The following NUFIP1 variants were observed in gnomAD, a reference collection of about 807,000 sequenced individuals.
The protein encoded by NUFIP1 is nuclear FMR1 interacting protein 1, also known as FMR1-interacting protein NUFIP1.
A neutral mutation model predicts 56.2 loss-of-function variants in NUFIP1; 38 were observed. The observed-to-expected ratio is 0.68, with a 90% CI of 0.52 to 0.89. NUFIP1 has a LOEUF of 0.89. Ranked by LOEUF, NUFIP1 falls within the 40% of genes least tolerant of loss-of-function variation. NUFIP1 has a pLI of 0.00. For missense variants in NUFIP1, 567 were observed against 605.8 expected (o/e 0.94, Z 0.67); for synonymous variants, 215 against 212.4 (o/e 1.01, Z -0.10).
intron 8 of NUFIP1, among the ~76,000 whole-genome samples, chr13:44,944,798 TAA>T (rs1389615561): frequency 6.6e-6 from 1 of 152,056 alleles, no homozygotes; most frequent in African/African-American, 2.4e-5. Flanking sequence ...AACACACTTC[TAA>T]ATAATCCAAG....
At chr13:44,956,956 A>C (rs774002735) in intron 7 of NUFIP1, among the ~76,000 whole-genome samples, 1 of 152,160 alleles carries the variant, frequency 6.6e-6, no homozygotes, top group Non-Finnish European at 1.5e-5. Flanking sequence ...TTTAAATGAC[A>C]GCTTTCCTAC....
intron 5 of NUFIP1, among the ~76,000 whole-genome samples, chr13:44,976,127 G>A (rs1871966430): frequency 6.6e-6 from 1 of 152,056 alleles, no homozygotes; most frequent in African/African-American, 2.4e-5. Flanking sequence ...AAGTAGTAGG[G>A]GGAAAAAACC....
intron 1 of NUFIP1, among the ~76,000 whole-genome samples, chr13:44,987,777 C>G (rs1812595382): frequency 6.6e-6 from 1 of 152,186 alleles, no homozygotes; most frequent in African/African-American, 2.4e-5. Flanking sequence ...CCCTTTCAGT[C>G]AGTTCTCACC....
At chr13:44,959,744 G>A (rs1871359010) in intron 6 of NUFIP1, among the ~76,000 whole-genome samples, 170 bp from the exon 7 acceptor site, 1 of 151,908 alleles carries the variant, frequency 6.6e-6, no homozygotes, top group African/African-American at 2.4e-5. Flanking sequence ...CAAAGACAGG[G>A]AAGCCTATGA....
chr13:44,981,101 T>C (rs1215661064), intron 2 of NUFIP1, among the ~76,000 whole-genome samples: 1 of 152,206 alleles, frequency 6.6e-6, no homozygotes, highest in East Asian at 1.9e-4. Context: ...GGTTATCTAA[T>C]TAAGACTCAG....
At chr13:44,952,744 T>C (rs1056780927) in intron 7 of NUFIP1, among the ~76,000 whole-genome samples, 18 of 152,242 alleles carry the variant, frequency 1.2e-4, no homozygotes, top group African/African-American at 2.9e-4. Flanking sequence ...ATTTAAACTA[T>C]AGACTGTAAT....
At chr13:44,966,165 A>G (rs1871593766) in intron 5 of NUFIP1, among the ~76,000 whole-genome samples, 1 of 152,208 alleles carries the variant, frequency 6.6e-6, no homozygotes, top group Non-Finnish European at 1.5e-5. Flanking sequence ...CTGCAACTAG[A>G]CAAGTGTACA....
At chr13:44,973,215 T>A (rs1469170826) in intron 5 of NUFIP1, among the ~76,000 whole-genome samples, 1 of 150,918 alleles carries the variant, frequency 6.6e-6, no homozygotes, top group African/African-American at 2.4e-5. Context: ...ATTAATACTT[T>A]AAAATACGGA....
intron 8 of NUFIP1, among the ~76,000 whole-genome samples, chr13:44,947,234 C>CTTTTTTT (rs899115570): frequency 2.4e-5 from 3 of 124,298 alleles, no homozygotes; most frequent in East Asian, 2.4e-4. Context: ...AAGCTTATTC[C>CTTTTTTT]TTTTTTTTTT....
At chr13:44,965,760 C>T in intron 6 of NUFIP1, 84 bp downstream of exon 6, 1 of 552,892 alleles carries the variant, frequency 1.8e-6, no homozygotes, top group South Asian at 4.1e-5. Context: ...GTTACAAAAG[C>T]AAAGATTTCA....
rs1443905387 is a variant in NUFIP1, at chr13:44,979,828, G to A, written c.657+62C>T. ...ATTAGGTATATAAATAAACAGTTGT[G>A]AAGATAACAGATCAATAAAAAGAGC... On this transcript the variant is annotated intron_variant, in intron 4 of 9. Coordinates refer to ENST00000379161, the MANE Select transcript of NUFIP1 (RefSeq NM_012345.3). The A allele has an allele frequency of 9.2e-6, 11 of 1,193,820 alleles. No homozygotes were observed. The East Asian group carries it at 2.1e-4, about 23-fold the overall frequency. The allele number at this position is 1,193,820 out of a possible 1,614,324, so 74.0% of individuals were successfully genotyped here. A position where few individuals can be genotyped will look rare whatever the true frequency, so the allele number is the denominator to read the frequency against.
At chr13:44,961,595 T>A (rs1447828173) in intron 6 of NUFIP1, among the ~76,000 whole-genome samples, 3 of 152,222 alleles carry the variant, frequency 2.0e-5, no homozygotes, top group Non-Finnish European at 1.5e-5. Context: ...CAAAAATTAA[T>A]ATATATGTAT....
intron 6 of NUFIP1, among the ~76,000 whole-genome samples, chr13:44,962,368 G>C (rs1161684688): frequency 6.6e-6 from 1 of 152,142 alleles, no homozygotes; most frequent in Non-Finnish European, 1.5e-5. Context: ...GTTTCTCAGT[G>C]GATCTGTTTG....
chr13:44,946,017 T>C (rs1179307449), intron 8 of NUFIP1, among the ~76,000 whole-genome samples: 2 of 152,116 alleles, frequency 1.3e-5, no homozygotes, highest in Non-Finnish European at 2.9e-5. Flanking sequence ...TTACTAGCTG[T>C]GTGACCTTTG....
rs1259042732 is a variant in NUFIP1 at position 44,980,789 on chromosome 13, C to T, written c.527G>A (p.Cys176Tyr). 9 of 1,600,612 alleles carry T rather than the reference C, an allele frequency of 5.6e-6. No individual in the cohort carries two copies. Among genetic ancestry groups the T allele is most frequent in the East Asian group, 4.5e-5 (2 of 44,648 alleles). Reference protein sequence around the residue: ...KRKEPVFHFFCDTCDRGFKNQ... With the variant: ...KRKEPVFHFFYDTCDRGFKNQ... The stretch of plus-strand genomic sequence containing the variant: ...TTTAAAACCACGATCACAGGTATCA[C>T]AAAAAAAGTGAAAAACTGGTTCCTT... The change falls in exon 3 of 10, where the codon TGT becomes TAT. Residue 176 changes from cysteine (C) to tyrosine (Y), a missense_variant. By Grantham distance (194) the Cys-to-Tyr change is radical. Coordinates refer to ENST00000379161, the MANE Select transcript of NUFIP1 (RefSeq NM_012345.3).
intron 6 of NUFIP1, among the ~76,000 whole-genome samples, chr13:44,960,788 C>T (rs986810742): frequency 1.3e-5 from 2 of 152,032 alleles, no homozygotes; most frequent in South Asian, 2.1e-4. Context: ...ATTGGCCGGG[C>T]GCGGTGGCTC....
At chr13:44,960,731 C>A (rs1390315707) in intron 6 of NUFIP1, among the ~76,000 whole-genome samples, 1 of 152,160 alleles carries the variant, frequency 6.6e-6, no homozygotes, top group Non-Finnish European at 1.5e-5. Context: ...CAGCTCAAAT[C>A]AAGTGCCCTC....
chr13:44,988,024 CG>C (rs1872475490), intron 1 of NUFIP1, among the ~76,000 whole-genome samples: 1 of 152,202 alleles, frequency 6.6e-6, no homozygotes, highest in African/African-American at 2.4e-5. Context: ...TCCTTCTGCC[CG>C]TACCCCTATT....
chr13:44,955,909 C>T (rs1871217980), intron 7 of NUFIP1, among the ~76,000 whole-genome samples: 1 of 151,210 alleles, frequency 6.6e-6, no homozygotes. Context: ...TTTGGGAGGC[C>T]GAGGCGGGTG....
Sources: allele counts gnomAD v4.1 joint callset (sites outside exome capture counted in the v4.1 genomes callset), GRCh38; gene constraint gnomAD v4.1.1; transcripts MANE v1.5; gene names NCBI Gene and HGNC (gene_info 2026-07-23, HGNC 2026-07-21).